The following DIAPH2 variants were observed in gnomAD, a reference collection of about 807,000 sequenced individuals.
DIAPH2 encodes diaphanous related formin 2.
Under a neutral mutation model 92.7 loss-of-function variants are expected in DIAPH2, and 35 were observed. The ratio of observed to expected loss-of-function variants is 0.38; its 90% CI spans 0.29 to 0.50. The LOEUF (loss-of-function observed/expected upper bound fraction) is 0.50, where lower values mean the gene tolerates loss of function less well. Ranked by LOEUF, DIAPH2 falls within the 20% of genes least tolerant of loss-of-function variation. The pLI is 0.94. For synonymous variants in DIAPH2, 301 were observed against 280.4 expected, an observed-to-expected ratio of 1.07 and a Z score of -0.73; for missense variants, 701 against 819.5, an observed-to-expected ratio of 0.86 and a Z score of 1.77.
At chrX:97,008,299 C>T (rs1160645887) in intron 17 of DIAPH2, among the ~76,000 whole-genome samples, 1 of 109,661 alleles carries the variant, frequency 9.1e-6, no homozygotes, top group African/African-American at 3.3e-5. Flanking sequence ...AATTTTTCTG[C>T]TGGGATTCCA....
At chrX:97,447,057 T>C in intron 26 of DIAPH2, among the ~76,000 whole-genome samples, 1 of 111,379 alleles carries the variant, frequency 9.0e-6, no homozygotes, top group Non-Finnish European at 1.9e-5. Flanking sequence ...TCTTCTAGCC[T>C]TGGGGTGTAA....
At chrX:96,874,230 G>C (rs1487338175) in intron 4 of DIAPH2, among the ~76,000 whole-genome samples, 1 of 111,324 alleles carries the variant, frequency 9.0e-6, no homozygotes, top group Non-Finnish European at 1.9e-5. Flanking sequence ...TAGACCCCAG[G>C]ATAAGAACCC....
intron 4 of DIAPH2, among the ~76,000 whole-genome samples, chrX:96,760,666 T>G (rs2064262051): frequency 9.0e-6 from 1 of 111,429 alleles, no homozygotes; most frequent in Non-Finnish European, 1.9e-5. Context: ...TACACCAATA[T>G]GTGGTCAAAA....
At chrX:96,795,695 T>C (rs1004113030) in intron 4 of DIAPH2, among the ~76,000 whole-genome samples, 2 of 111,951 alleles carry the variant, frequency 1.8e-5, no homozygotes, top group African/African-American at 6.5e-5. Flanking sequence ...AGATTGTACT[T>C]CTTTATCTTT....
chrX:96,946,172 T>A (rs1269296554), intron 14 of DIAPH2, among the ~76,000 whole-genome samples: 2 of 112,046 alleles, frequency 1.8e-5, no homozygotes, highest in African/African-American at 6.5e-5. Flanking sequence ...ATGTCTTAAA[T>A]GCCTTTGAGT....
At chrX:96,822,277 G>A (rs1347134800) in intron 4 of DIAPH2, among the ~76,000 whole-genome samples, 1 of 111,578 alleles carries the variant, frequency 9.0e-6, no homozygotes, top group East Asian at 2.8e-4. Context: ...GCATGATACA[G>A]TAAAACACAG....
intron 19 of DIAPH2, among the ~76,000 whole-genome samples, chrX:97,094,701 TACTC>T (rs2066852550): frequency 8.9e-6 from 1 of 112,273 alleles, no homozygotes; most frequent in South Asian, 3.7e-4. Context: ...GAAGGCAAAT[TACTC>T]AGTCATATGT....
intron 26 of DIAPH2, among the ~76,000 whole-genome samples, chrX:97,444,998 T>C (rs1289604367): frequency 9.0e-6 from 1 of 111,393 alleles, no homozygotes; most frequent in East Asian, 2.8e-4. Flanking sequence ...TATTAGAAAA[T>C]AAATTTAGAA....
chrX:97,170,743 A>G (rs1457348839), intron 22 of DIAPH2, among the ~76,000 whole-genome samples: 5 of 112,010 alleles, frequency 4.5e-5, no homozygotes, highest in East Asian at 5.5e-4. Flanking sequence ...AAAACTAACT[A>G]TAACCACTGT....
At chrX:96,780,633 C>T (rs917738474) in intron 4 of DIAPH2, among the ~76,000 whole-genome samples, 2 of 109,423 alleles carry the variant, frequency 1.8e-5, no homozygotes, top group African/African-American at 3.3e-5. Flanking sequence ...AAGTGTGTGC[C>T]ACCATGCCTG....
intron 4 of DIAPH2, among the ~76,000 whole-genome samples, chrX:96,812,807 C>G (rs757780072): frequency 1.1e-4 from 12 of 111,740 alleles, no homozygotes; most frequent in Non-Finnish European, 1.3e-4. Flanking sequence ...GCAGGTTGTT[C>G]AGTTTCCATG....
At chrX:97,420,506 A>G (rs1191693741) in intron 25 of DIAPH2, among the ~76,000 whole-genome samples, 1 of 111,866 alleles carries the variant, frequency 8.9e-6, no homozygotes, top group Non-Finnish European at 1.9e-5. Flanking sequence ...TTCACTATGA[A>G]GTTTATCTGG....
At chrX:96,934,009 A>G (rs1473538051) in intron 10 of DIAPH2, among the ~76,000 whole-genome samples, 2 of 110,493 alleles carry the variant, frequency 1.8e-5, no homozygotes, top group African/African-American at 6.6e-5. Context: ...CAGCCTCCCA[A>G]AGTGCTGGGA....
chrX:97,312,977 G>C (rs955216996), intron 23 of DIAPH2, among the ~76,000 whole-genome samples: 4 of 109,914 alleles, frequency 3.6e-5, no homozygotes, highest in African/African-American at 1.3e-4. Flanking sequence ...AGGAGATCGA[G>C]ACCATCCTGT....
At chrX:96,807,731 C>T (rs2064638630) in intron 4 of DIAPH2, among the ~76,000 whole-genome samples, 1 of 107,538 alleles carries the variant, frequency 9.3e-6, no homozygotes. Context: ...GAAAAAAGTC[C>T]TAAACAGAGG....
At chrX:96,754,144 G>A (rs768390517) in intron 3 of DIAPH2, among the ~76,000 whole-genome samples, 97 of 111,820 alleles carry the variant, frequency 8.7e-4, no homozygotes, top group South Asian at 1.1e-3. Context: ...ACACATGACC[G>A]CTAGAGTTTC....
In DIAPH2 at chrX:97,583,775, C is replaced by T. The variant is rs769036777; in HGVS notation, c.3242-15478C>T. 5.2e-4 allele frequency among the ~76,000 whole-genome samples: 58 copies of T among 111,105 alleles called. 1 individual carries two copies. The highest frequency in any genetic ancestry group is 8.6e-4 in the East Asian group (3 of 3,507). On this transcript the variant is annotated intron_variant, in intron 26 of 26. Transcript: ENST00000324765. ...ATGGCGGGCGCCCCTCCCCCAGCCT[C>T]GCTGCCGCCTTGCAGTTTGATCTCA...
rs2071610575 is a variant in DIAPH2, at chrX:97,604,597, G to A, written c.*5280G>A. The stretch of plus-strand genomic sequence containing the variant: ...TTTTGGTTGATACTTTTGCTACTAT[G>A]GGCAATTAACTTGAAAAAAATAATC... On this transcript the variant is annotated 3_prime_UTR_variant, in exon 27 of 27. Coordinates refer to ENST00000324765, the MANE Select transcript of DIAPH2 (RefSeq NM_006729.5). 8.9e-6 allele frequency: 1 copy of A among 111,807 alleles called. No homozygotes were observed. Among genetic ancestry groups the A allele is most frequent in the Non-Finnish European group, 1.9e-5 (1 of 53,091 alleles). The allele number at this position is 111,807 out of a possible 1,213,427, so 9.2% of individuals were successfully genotyped here.
intron 26 of DIAPH2, among the ~76,000 whole-genome samples, chrX:97,444,316 A>G (rs767327770): frequency 2.3e-4 from 25 of 109,530 alleles, no homozygotes; most frequent in Non-Finnish European, 9.5e-5. Flanking sequence ...TTAATTTCAT[A>G]CATTATTCAC....
Sources: allele counts gnomAD v4.1 joint callset (sites outside exome capture counted in the v4.1 genomes callset), GRCh38; gene constraint gnomAD v4.1.1; transcripts MANE v1.5; gene names NCBI Gene and HGNC (gene_info 2026-07-23, HGNC 2026-07-21).